ITFG1: variants seen among roughly 807,000 people sequenced by gnomAD.
ITFG1 encodes T-cell immunomodulatory protein.
A neutral mutation model predicts 81.8 loss-of-function variants in ITFG1; 34 were observed. That is an observed-to-expected ratio of 0.42 (90% CI 0.32 to 0.55). ITFG1 has a LOEUF of 0.55. Among genes scored for constraint, ITFG1 ranks in the 20% least tolerant of loss-of-function variants. The probability of loss-of-function intolerance (pLI) is 0.17; values close to 1 mark genes in which losing one functional copy is unlikely to be tolerated. For missense variants in ITFG1, 672 were observed against 755.4 expected, an observed-to-expected ratio of 0.89 and a Z score of 1.29; for synonymous variants, 285 against 270.6, an observed-to-expected ratio of 1.05 and a Z score of -0.52.
chr16:47,256,025 A>G (rs1966135556), intron 12 of ITFG1, among the ~76,000 whole-genome samples: 2 of 151,546 alleles, frequency 1.3e-5, no homozygotes. Context: ...CCCAGGCTGG[A>G]GTGCAGTGAT....
intron 5 of ITFG1, among the ~76,000 whole-genome samples, chr16:47,442,392 G>T (rs1390986224): frequency 6.6e-6 from 1 of 151,942 alleles, no homozygotes; most frequent in Non-Finnish European, 1.5e-5. Flanking sequence ...AACCAAAAAA[G>T]AGCCCGCCTT....
intron 6 of ITFG1, among the ~76,000 whole-genome samples, chr16:47,415,498 G>T (rs939316638): frequency 5.1e-4 from 77 of 152,226 alleles, no homozygotes; most frequent in African/African-American, 1.7e-3. Flanking sequence ...AATTGCCTGT[G>T]GTTGTATATA....
chr16:47,418,091 GAT>G (rs1491213938), intron 6 of ITFG1, among the ~76,000 whole-genome samples: 1 of 152,046 alleles, frequency 6.6e-6, no homozygotes, highest in Non-Finnish European at 1.5e-5. Context: ...ATAACAATGA[GAT>G]ATTTCACTGT....
chr16:47,159,732 T>C (rs1402301094), intron 16 of ITFG1, among the ~76,000 whole-genome samples: 2 of 152,186 alleles, frequency 1.3e-5, no homozygotes, highest in Non-Finnish European at 1.5e-5. Context: ...ACATAACTTT[T>C]TGTTCTTCCT....
intron 14 of ITFG1, among the ~76,000 whole-genome samples, chr16:47,172,550 C>G (rs954246236): frequency 1.3e-5 from 2 of 152,088 alleles, no homozygotes; most frequent in Non-Finnish European, 1.5e-5. Flanking sequence ...TACCTGCTCT[C>G]CATCTCAGTT....
At chr16:47,315,775 A>ATATATATATATATATG (rs200525858) in intron 8 of ITFG1, among the ~76,000 whole-genome samples, 2,044 of 151,326 alleles carry the variant, frequency 0.014, 64 homozygotes, top group African/African-American at 0.047. Flanking sequence ...TGCCATATAT[A>ATATATATATATATATG]TATACACATA....
intron 8 of ITFG1, among the ~76,000 whole-genome samples, chr16:47,349,737 C>T (rs953404861): frequency 2.6e-5 from 4 of 152,170 alleles, no homozygotes; most frequent in Admixed American, 6.6e-5. Flanking sequence ...AACTCTCTAC[C>T]CCAAATCAAC....
chr16:47,307,963 A>C (rs903068451), intron 10 of ITFG1, among the ~76,000 whole-genome samples: 5 of 152,180 alleles, frequency 3.3e-5, no homozygotes, highest in Admixed American at 6.5e-5. Flanking sequence ...ATGTTGCTGT[A>C]AAGTACATGA....
chr16:47,216,215 T>C (rs1965622216), intron 14 of ITFG1, among the ~76,000 whole-genome samples: 1 of 152,148 alleles, frequency 6.6e-6, no homozygotes, highest in South Asian at 2.1e-4. Flanking sequence ...TTTTTTTTTT[T>C]CTGAGACGGA....
intron 6 of ITFG1, among the ~76,000 whole-genome samples, chr16:47,413,053 C>A (rs1968831326): frequency 6.6e-6 from 1 of 152,074 alleles, no homozygotes; most frequent in African/African-American, 2.4e-5. Context: ...TGACCATCCA[C>A]AAGACACATA....
At position 47,277,277 on chromosome 16, in the gene ITFG1, G is replaced by T. The variant is rs72800635; in HGVS notation, c.1071-16582C>A. Among the ~76,000 whole-genome samples, 98 of 152,190 alleles carry T rather than the reference G, an allele frequency of 6.4e-4. No individual in the cohort carries two copies. The South Asian group carries it at 7.0e-3, about 11-fold the overall frequency. The stretch of plus-strand genomic sequence containing the variant: ...TCCATGCATTTTAATTTCCCAAATT[G>T]TAAAAATTAAATACAATTGTCCCTA... On this transcript the variant is annotated intron_variant, in intron 10 of 17. Coordinates refer to ENST00000320640, the MANE Select transcript of ITFG1 (RefSeq NM_030790.5).
At chr16:47,395,673 T>C (rs1968584246) in intron 6 of ITFG1, among the ~76,000 whole-genome samples, 1 of 152,222 alleles carries the variant, frequency 6.6e-6, no homozygotes, top group Non-Finnish European at 1.5e-5. Flanking sequence ...AATTCTACTT[T>C]GTTATTTAAA....
At chr16:47,347,670 C>T (rs1967878257) in intron 8 of ITFG1, among the ~76,000 whole-genome samples, 1 of 152,184 alleles carries the variant, frequency 6.6e-6, no homozygotes, top group South Asian at 2.1e-4. Context: ...CTTAACTGTT[C>T]CTGTCTGACA....
In ITFG1 at chr16:47,444,802, T is replaced by G. The variant is rs142992491; in HGVS notation, c.560+6594A>C. ...ATCATTTTACCTTCCAAAATCACTT[T>G]GGCATGAAAGTTACCTTCTTTCCAA... On this transcript the variant is annotated intron_variant, in intron 5 of 17. Transcript: ENST00000320640. Among the ~76,000 whole-genome samples the G allele has an allele frequency of 5.0e-3, 758 of 152,312 alleles. 8 individuals carry two copies. The highest frequency in any genetic ancestry group is 0.017 in the African/African-American group (716 of 41,572).
chr16:47,221,108 A>C (rs1965685095), intron 13 of ITFG1, among the ~76,000 whole-genome samples: 1 of 152,156 alleles, frequency 6.6e-6, no homozygotes, highest in Admixed American at 6.5e-5. Context: ...AGCTCCCCAA[A>C]GATCCATTCC....
At chr16:47,179,163 G>A (rs1244298406) in intron 14 of ITFG1, among the ~76,000 whole-genome samples, 2 of 152,224 alleles carry the variant, frequency 1.3e-5, no homozygotes, top group Non-Finnish European at 2.9e-5. Flanking sequence ...GTGGAAGACA[G>A]TGTGGCAATT....
chr16:47,350,549 C>A (rs904813178), intron 8 of ITFG1, among the ~76,000 whole-genome samples: 4 of 152,120 alleles, frequency 2.6e-5, no homozygotes, highest in East Asian at 1.9e-4. Flanking sequence ...CAATAACAGG[C>A]TCTGAAATTG....
chr16:47,171,772 A>G (rs1389676454), intron 14 of ITFG1, among the ~76,000 whole-genome samples: 2 of 152,150 alleles, frequency 1.3e-5, no homozygotes, highest in African/African-American at 2.4e-5. Flanking sequence ...TTTGTGATAT[A>G]TGTCTTATCT....
chr16:47,461,053 C>A lies in ITFG1; in HGVS notation c.-8G>T. Reference sequence around the variant, plus strand: ...CCGGCCCGCCGCCGCCATGGCAGCCCCTCAGCCCCCGCCCGCCGGCCCAAC... The same window carrying A: ...CCGGCCCGCCGCCGCCATGGCAGCCACTCAGCCCCCGCCCGCCGGCCCAAC... On this transcript the variant is annotated 5_prime_UTR_variant, in exon 1 of 18. Coordinates refer to ENST00000320640, the MANE Select transcript of ITFG1 (RefSeq NM_030790.5). 6.5e-7 allele frequency: 1 copy of A among 1,531,122 alleles called. No homozygotes were observed. Among genetic ancestry groups the A allele is most frequent in the East Asian group, 2.5e-5 (1 of 40,692 alleles). 94.8% of individuals were successfully genotyped at this position (1,531,122 alleles called of 1,614,324 possible).
Sources: allele counts gnomAD v4.1 joint callset (sites outside exome capture counted in the v4.1 genomes callset), GRCh38; gene constraint gnomAD v4.1.1; transcripts MANE v1.5; gene names NCBI Gene and HGNC (gene_info 2026-07-23, HGNC 2026-07-21).